GREB1L: variants seen among roughly 807,000 people sequenced by gnomAD.
The protein encoded by GREB1L is GREB1 like retinoic acid receptor coactivator.
GREB1L carries 17 observed loss-of-function variants against 200.8 expected under a neutral mutation model. That is an observed-to-expected ratio of 0.08 (90% CI 0.06 to 0.13). The LOEUF is 0.13. Among genes scored for constraint, GREB1L ranks in the 10% least tolerant of loss-of-function variants. The pLI is 1.00. For missense variants in GREB1L, 1,657 were observed against 2,367.7 expected, an observed-to-expected ratio of 0.70 and a Z score of 6.23; for synonymous variants, 789 against 893.0, an observed-to-expected ratio of 0.88 and a Z score of 2.08.
At chr18:21,414,497 C>T (rs1357593380) in intron 7 of GREB1L, among the ~76,000 whole-genome samples, 1 of 152,172 alleles carries the variant, frequency 6.6e-6, no homozygotes, top group Admixed American at 6.5e-5. Context: ...ACTGATCTCT[C>T]GTCAGCTCTG....
chr18:21,351,856 AT>A (rs201585433), intron 1 of GREB1L, among the ~76,000 whole-genome samples: 4,303 of 151,518 alleles, frequency 0.028, 223 homozygotes, highest in African/African-American at 0.098. Flanking sequence ...TTATTTATTT[AT>A]TTTTTTCTGA....
In GREB1L at chr18:21,463,134, C is replaced by CTT. The variant is rs11355874; in HGVS notation, c.2182+8599_2182+8600dup. ...CCGATAGGTAAATAGCTTAATGGTT[C>CTT]TTTTTTTTTTTTTTTTTTTTTTTTT... is the stretch of plus-strand genomic sequence containing the variant. On this transcript the variant is annotated intron_variant, in intron 15 of 32. Transcript: ENST00000424526. Among the ~76,000 whole-genome samples the CTT allele has an allele frequency of 1.8e-3, 103 of 55,696 alleles. 17 individuals are homozygous for CTT. The highest frequency in any genetic ancestry group is 2.2e-3 in the Non-Finnish European group (75 of 33,882). The allele number at this position is 55,696 out of a possible 152,430, so 36.5% of individuals were successfully genotyped here. A position where few individuals can be genotyped will look rare whatever the true frequency, so the allele number is the denominator to read the frequency against.
chr18:21,287,939 C>A (rs890902360), intron 1 of GREB1L, among the ~76,000 whole-genome samples: 1 of 151,620 alleles, frequency 6.6e-6, no homozygotes, highest in African/African-American at 2.4e-5. Flanking sequence ...GGATTACAGG[C>A]ATACCCTGTA....
At chr18:21,305,444 A>G (rs1178036026) in intron 1 of GREB1L, among the ~76,000 whole-genome samples, 1 of 152,062 alleles carries the variant, frequency 6.6e-6, no homozygotes, top group African/African-American at 2.4e-5. Flanking sequence ...GACAATATCT[A>G]CCTGCTCTTT....
chr18:21,502,382 G>A (rs1230212886), intron 23 of GREB1L, among the ~76,000 whole-genome samples: 1 of 152,130 alleles, frequency 6.6e-6, no homozygotes, highest in Non-Finnish European at 1.5e-5. Context: ...TTCCTCTCAA[G>A]CCTCTCAAAG....
intron 1 of GREB1L, among the ~76,000 whole-genome samples, chr18:21,287,092 G>A (rs778435935): frequency 6.6e-6 from 1 of 151,970 alleles, no homozygotes; most frequent in African/African-American, 2.4e-5. Context: ...TCCTGTTAGT[G>A]CCATGCCTTT....
At position 21,401,218 on chromosome 18, in the gene GREB1L, A is replaced by G. The variant is rs1310537279; in HGVS notation, c.601A>G (p.Ile201Val). ...ATATTTCACGGAATTTTCCAACCAC[A>G]TTAACTTGAAGCTCACCACTCAGCC... ...FRYFTEFSNH[I>V]NLKLTTQPKK... The change falls in exon 6 of 33, where the codon ATT (isoleucine) becomes GTT (valine). Residue 201 changes from isoleucine to valine, a missense_variant. Physicochemically the swap from Ile to Val is conservative, Grantham distance 29. Around this residue, in one of 9 missense-constraint regions of GREB1L, gnomAD observed 70 missense variants for 151.3 expected, o/e 0.46. Transcript: ENST00000424526. The G allele has an allele frequency of 6.4e-7, 1 of 1,551,498 alleles. No homozygotes were observed. The highest frequency in any genetic ancestry group is 1.4e-5 in the African/African-American group (1 of 73,036).
At chr18:21,311,091 CTACTT>C (rs140858200) in intron 1 of GREB1L, among the ~76,000 whole-genome samples, 69 of 152,286 alleles carry the variant, frequency 4.5e-4, no homozygotes, top group African/African-American at 1.7e-3. Flanking sequence ...TTGAGATAAA[CTACTT>C]TAACACTTGG....
intron 7 of GREB1L, among the ~76,000 whole-genome samples, chr18:21,434,571 G>GTATATATATGTGTGTA (rs2033414080): frequency 1.5e-5 from 2 of 136,282 alleles, no homozygotes; most frequent in African/African-American, 6.0e-5. Flanking sequence ...ATATATGTGT[G>GTATATATATGTGTGTA]TATATATATA....
chr18:21,278,380 C>CAAAAAA (rs550496435), intron 1 of GREB1L, among the ~76,000 whole-genome samples: 1 of 106,302 alleles, frequency 9.4e-6, no homozygotes, highest in East Asian at 2.7e-4. Flanking sequence ...GACTCCATCT[C>CAAAAAA]AAAAAAAAAA....
At chr18:21,255,704 C>T (rs1393479440) in intron 1 of GREB1L, among the ~76,000 whole-genome samples, 2 of 152,152 alleles carry the variant, frequency 1.3e-5, no homozygotes, top group Admixed American at 6.5e-5. Flanking sequence ...CTATAGCATT[C>T]ATAGTTTATA....
intron 1 of GREB1L, among the ~76,000 whole-genome samples, chr18:21,289,182 A>G (rs1209061723): frequency 6.6e-6 from 1 of 152,182 alleles, no homozygotes; most frequent in East Asian, 1.9e-4. Context: ...GGAAACTGCT[A>G]ACAGCCACCT....
intron 8 of GREB1L, among the ~76,000 whole-genome samples, 166 bp from the exon 9 acceptor site, chr18:21,440,103 A>C (rs187886425): frequency 9.5e-4 from 144 of 152,350 alleles, no homozygotes; most frequent in Non-Finnish European, 1.7e-3. Flanking sequence ...TAGGTTACTA[A>C]TGTGGCTTTT....
intron 4 of GREB1L, among the ~76,000 whole-genome samples, chr18:21,392,682 G>A (rs932352275): frequency 6.6e-6 from 1 of 151,828 alleles, no homozygotes; most frequent in African/African-American, 2.4e-5. Context: ...TATTAGGCTT[G>A]TTTTTGAGGT....
intron 15 of GREB1L, among the ~76,000 whole-genome samples, chr18:21,456,011 C>T (rs1194019447): frequency 1.4e-5 from 2 of 145,334 alleles, no homozygotes; most frequent in African/African-American, 2.5e-5. Flanking sequence ...TCAAGCAATT[C>T]TCCTGCCTCA....
In GREB1L at chr18:21,469,278, A is replaced by G. The variant is rs536910490; in HGVS notation, c.2183-3753A>G. 3.3e-5 allele frequency among the ~76,000 whole-genome samples: 5 copies of G among 152,264 alleles called. No individual in the cohort carries two copies. In the East Asian group the frequency reaches 7.7e-4, roughly 23 times the overall value. On this transcript the variant is annotated intron_variant, in intron 15 of 32. Coordinates refer to ENST00000424526, the MANE Select transcript of GREB1L (RefSeq NM_001142966.3). ...GCTGTTCCTCCTCATTTATGTATGTATTTATAAATACAGGTCATTTTTATT... is the reference window on the plus strand; with the variant it reads ...GCTGTTCCTCCTCATTTATGTATGTGTTTATAAATACAGGTCATTTTTATT...
chr18:21,428,176 G>A (rs1210927549), intron 7 of GREB1L, among the ~76,000 whole-genome samples: 3 of 110,634 alleles, frequency 2.7e-5, no homozygotes, highest in African/African-American at 6.6e-5. Context: ...CGGCCTGGGC[G>A]ACAGAGCGAG....
intron 4 of GREB1L, among the ~76,000 whole-genome samples, chr18:21,390,144 G>A (rs2040735198): frequency 6.6e-6 from 1 of 152,190 alleles, no homozygotes. Context: ...TGGTGATGCT[G>A]ATGTAAAGAA....
Position 21,520,842 on chromosome 18 carries a change from C to T in GREB1L, c.5608+19C>T. 1 of 1,518,538 alleles carries T rather than the reference C, an allele frequency of 6.6e-7. No homozygotes were observed. Among genetic ancestry groups the T allele is most frequent in the South Asian group, 1.3e-5 (1 of 79,402 alleles). The allele number at this position is 1,518,538 out of a possible 1,614,324, so 94.1% of individuals were successfully genotyped here. On this transcript the variant is annotated intron_variant, in intron 32 of 32. Transcript: ENST00000424526. ...CTAAAAGGTAAGTCAAATTTAGTAT[C>T]TTGCTTGTAATTGCTATTGGTTCCC...
Sources: gnomAD v4.1 joint callset for allele counts (sites outside exome capture counted in the v4.1 genomes callset) on GRCh38, gnomAD v4.1.1 for gene constraint, gnomAD v4.1.1 regional missense constraint, MANE v1.5 for transcripts, NCBI Gene and HGNC (gene_info 2026-07-23, HGNC 2026-07-21) for gene names.